ST8SIA2: variants seen among roughly 807,000 people sequenced by gnomAD.
ST8SIA2 encodes the protein ST8 alpha-N-acetyl-neuraminide alpha-2,8-sialyltransferase 2, also known as alpha-2,8-sialyltransferase 8B.
A neutral mutation model predicts 37.6 loss-of-function variants in ST8SIA2; 22 were observed. That is an observed-to-expected ratio of 0.58 (90% confidence interval 0.42 to 0.83). The LOEUF (loss-of-function observed/expected upper bound fraction) is 0.83, where lower values mean the gene tolerates loss of function less well. Ranked by LOEUF, ST8SIA2 falls within the 40% of genes least tolerant of loss-of-function variation. The pLI is 0.00. For synonymous variants in ST8SIA2, 205 were observed against 201.2 expected (o/e 1.02, Z -0.16); for missense variants, 382 against 484.7 (o/e 0.79, Z 1.99).
intron 1 of ST8SIA2, among the ~76,000 whole-genome samples, chr15:92,394,978 G>T (rs1027810897): frequency 7.9e-5 from 12 of 152,282 alleles, no homozygotes; most frequent in Middle Eastern, 3.4e-3. Flanking sequence ...GTGGGACCGC[G>T]AGCCCGGATC....
rs1332312966 is a variant in ST8SIA2, at chr15:92,438,614, A to C, written c.548+4A>C. 1.9e-6 allele frequency: 3 copies of C among 1,602,232 alleles called. No individual in the cohort carries two copies. Among genetic ancestry groups the C allele is most frequent in the Non-Finnish European group, 2.6e-6 (3 of 1,173,680 alleles). On this transcript the variant is annotated splice_donor_region_variant and intron_variant, in intron 4 of 5. Transcript: ENST00000268164. ...ACGCCCACAGCTTCGTCATCAGGTA[A>C]CATGCCCCAGCAGGCACTCTGGGGC...
intron 4 of ST8SIA2, 44 bp downstream of exon 4, chr15:92,438,654 G>T: frequency 6.5e-7 from 1 of 1,545,482 alleles, no homozygotes; most frequent in South Asian, 1.3e-5. Flanking sequence ...GCGGCGGGCA[G>T]GCTGTGTTTC....
chr15:92,407,565 T>C (rs191543816), intron 1 of ST8SIA2, among the ~76,000 whole-genome samples: 21 of 152,296 alleles, frequency 1.4e-4, no homozygotes, highest in Non-Finnish European at 2.4e-4. Flanking sequence ...CACAGTTCCC[T>C]AGAGTTCTGG....
intron 5 of ST8SIA2, among the ~76,000 whole-genome samples, chr15:92,450,049 T>C (rs1368125462): frequency 1.3e-5 from 2 of 152,200 alleles, no homozygotes; most frequent in East Asian, 1.9e-4. Context: ...TGTTTGGCAA[T>C]GGTCTTTTAA....
At chr15:92,449,468 C>T (rs552450300) in intron 5 of ST8SIA2, among the ~76,000 whole-genome samples, 5 of 152,344 alleles carry the variant, frequency 3.3e-5, no homozygotes, top group African/African-American at 1.2e-4. Flanking sequence ...CTGCTATGAA[C>T]ATGCCAGTGC....
Position 92,456,421 on chromosome 15 carries a change from C to T in ST8SIA2, c.843-7679C>T, listed in dbSNP as rs1281957683. Among the ~76,000 whole-genome samples the T allele has an allele frequency of 3.3e-5, 5 of 152,280 alleles. 1 individual carries two copies. In the East Asian group the frequency reaches 9.7e-4, roughly 29 times the overall value. The stretch of plus-strand genomic sequence containing the variant: ...GTGAGGTGCCCACTTTATATATGTG[C>T]CATGCTAGGATCTGGAGTTATACAG... On this transcript the variant is annotated intron_variant, in intron 5 of 5. Transcript: ENST00000268164.
intron 1 of ST8SIA2, among the ~76,000 whole-genome samples, chr15:92,424,916 A>T (rs2049664642): frequency 2.0e-5 from 3 of 152,242 alleles, no homozygotes; most frequent in Admixed American, 2.0e-4. Context: ...TAAAGTCGTC[A>T]ACCTCTACCC....
chr15:92,405,943 C>A (rs987496862), intron 1 of ST8SIA2, among the ~76,000 whole-genome samples: 5 of 152,210 alleles, frequency 3.3e-5, no homozygotes, highest in African/African-American at 1.2e-4. Flanking sequence ...GAGGCCAAGA[C>A]AGTCCAGACC....
chr15:92,401,282 G>A lies in ST8SIA2; in HGVS notation c.98+7120G>A, dbSNP rs563569397. 7.2e-4 allele frequency among the ~76,000 whole-genome samples: 110 copies of A among 152,316 alleles called. No individual in the cohort carries two copies. In the East Asian group the frequency reaches 0.014, roughly 19 times the overall value. ...GTCGCCTGTGGCCGGCCGGCTGACC[G>A]CCCCTGGGCTTGCTTACCATCTCTC... On this transcript the variant is annotated intron_variant, in intron 1 of 5. Coordinates refer to ENST00000268164, the MANE Select transcript of ST8SIA2 (RefSeq NM_006011.4).
At chr15:92,437,694 C>T (rs1419033450) in intron 3 of ST8SIA2, among the ~76,000 whole-genome samples, 1 of 152,084 alleles carries the variant, frequency 6.6e-6, no homozygotes, top group Non-Finnish European at 1.5e-5. Flanking sequence ...TATCCATCCC[C>T]CCAGAAAGCC....
At chr15:92,396,471 T>TG (rs1337676690) in intron 1 of ST8SIA2, among the ~76,000 whole-genome samples, 3 of 108,952 alleles carry the variant, frequency 2.8e-5, no homozygotes, top group Non-Finnish European at 5.3e-5. Context: ...TTTGTTTTTG[T>TG]TTTTTTTTTT....
chr15:92,449,860 G>C (rs1231651495), intron 5 of ST8SIA2, among the ~76,000 whole-genome samples: 4 of 152,116 alleles, frequency 2.6e-5, no homozygotes, highest in Non-Finnish European at 2.9e-5. Flanking sequence ...TCTTTTGCTT[G>C]TTGAGTTGTT....
chr15:92,456,093 T>G (rs1404577813), intron 5 of ST8SIA2, among the ~76,000 whole-genome samples: 1 of 152,256 alleles, frequency 6.6e-6, no homozygotes, highest in Non-Finnish European at 1.5e-5. Context: ...AGAAATGGTC[T>G]TGCTGGACCT....
chr15:92,438,272 G>T, intron 3 of ST8SIA2, 81 bp from the exon 4 acceptor site: 8 of 1,606,912 alleles, frequency 5.0e-6, no homozygotes, highest in South Asian at 1.1e-5. Flanking sequence ...CGTGCAGGGC[G>T]ACCCTGGATA....
chr15:92,431,506 C>T (rs2049715596), intron 2 of ST8SIA2, among the ~76,000 whole-genome samples: 2 of 152,216 alleles, frequency 1.3e-5, no homozygotes, highest in African/African-American at 2.4e-5. Flanking sequence ...CTTGTTACTA[C>T]TACTGTGGAT....
At chr15:92,430,461 C>T (rs1033534587) in intron 2 of ST8SIA2, among the ~76,000 whole-genome samples, 2 of 152,228 alleles carry the variant, frequency 1.3e-5, no homozygotes, top group Non-Finnish European at 2.9e-5. Flanking sequence ...CACTCAATTT[C>T]ATTGTGGTAA....
At chr15:92,412,712 C>CA (rs2141812303) in intron 1 of ST8SIA2, among the ~76,000 whole-genome samples, 1 of 152,286 alleles carries the variant, frequency 6.6e-6, no homozygotes, top group South Asian at 2.1e-4. Flanking sequence ...GGCTGGAGTG[C>CA]AGTGGTGCGA....
At chr15:92,407,066 C>T (rs543159925) in intron 1 of ST8SIA2, among the ~76,000 whole-genome samples, 1 of 151,370 alleles carries the variant, frequency 6.6e-6, no homozygotes, top group East Asian at 1.9e-4. Context: ...ATTACAGCCA[C>T]TGGTTGGATT....
At chr15:92,407,715 C>T (rs949495442) in intron 1 of ST8SIA2, among the ~76,000 whole-genome samples, 2 of 152,178 alleles carry the variant, frequency 1.3e-5, no homozygotes, top group African/African-American at 4.8e-5. Context: ...CTTTTAAAAC[C>T]AATCTGCTCT....
Sources: gnomAD v4.1 joint callset for allele counts (sites outside exome capture counted in the v4.1 genomes callset) on GRCh38, gnomAD v4.1.1 for gene constraint, MANE v1.5 for transcripts, NCBI Gene and HGNC (gene_info 2026-07-23, HGNC 2026-07-21) for gene names.